The following PDE1C variants were observed in gnomAD, a reference collection of about 807,000 sequenced individuals.
PDE1C encodes the protein phosphodiesterase 1C.
PDE1C carries 62 observed loss-of-function variants against 93.1 expected under a neutral mutation model. The observed-to-expected ratio is 0.67, with a 90% confidence interval of 0.54 to 0.82. The LOEUF is 0.82. Among genes scored for constraint, PDE1C ranks in the 40% least tolerant of loss-of-function variants. PDE1C has a pLI of 0.00. For synonymous variants in PDE1C, 325 were observed against 310.1 expected (o/e 1.05, Z -0.50); for missense variants, 742 against 884.6 (o/e 0.84, Z 2.04).
chr7:32,031,550 G>A (rs930562766), intron 2 of PDE1C, among the ~76,000 whole-genome samples: 1 of 152,040 alleles, frequency 6.6e-6, no homozygotes, highest in Non-Finnish European at 1.5e-5. Context: ...TTCCTTTTTT[G>A]ATCATATGAG....
At chr7:32,304,445 C>T (rs571190388) in intron 1 of PDE1C, among the ~76,000 whole-genome samples, 1 of 152,172 alleles carries the variant, frequency 6.6e-6, no homozygotes, top group Non-Finnish European at 1.5e-5. Flanking sequence ...GTAGGACAGC[C>T]AGCCCCATTA....
At chr7:32,262,596 T>G (rs1810290662) in intron 1 of PDE1C, among the ~76,000 whole-genome samples, 1 of 152,116 alleles carries the variant, frequency 6.6e-6, no homozygotes, top group Admixed American at 6.5e-5. Flanking sequence ...CCACCAACAC[T>G]ACTGCAGGGA....
At chr7:31,952,196 A>C (rs1807461924) in intron 2 of PDE1C, among the ~76,000 whole-genome samples, 1 of 152,146 alleles carries the variant, frequency 6.6e-6, no homozygotes, top group Admixed American at 6.6e-5. Flanking sequence ...CACTTGCCTA[A>C]GTATAAATTC....
chr7:32,420,434 A>G (rs1316784253), intron 1 of PDE1C, among the ~76,000 whole-genome samples: 3 of 144,524 alleles, frequency 2.1e-5, no homozygotes, highest in Non-Finnish European at 4.5e-5. Flanking sequence ...CACACATGTA[A>G]TCCCAACTAC....
At chr7:32,131,605 A>G (rs1799924140) in intron 3 of PDE1C, among the ~76,000 whole-genome samples, 1 of 152,112 alleles carries the variant, frequency 6.6e-6, no homozygotes, top group Non-Finnish European at 1.5e-5. Flanking sequence ...AGGATAATTT[A>G]CTTATATTGA....
intron 16 of PDE1C, among the ~76,000 whole-genome samples, chr7:31,776,072 A>G (rs905672023): frequency 1.3e-5 from 2 of 152,220 alleles, no homozygotes; most frequent in Admixed American, 1.3e-4. Flanking sequence ...GTGGAGGCCC[A>G]GCACTCATGT....
intron 1 of PDE1C, among the ~76,000 whole-genome samples, chr7:32,401,309 C>T (rs553990384): frequency 2.6e-5 from 4 of 152,012 alleles, no homozygotes; most frequent in Non-Finnish European, 4.4e-5. Context: ...GAGGCCGAGG[C>T]GGGCAGATCA....
chr7:32,403,720 G>A (rs189262606), intron 1 of PDE1C, among the ~76,000 whole-genome samples: 4 of 152,188 alleles, frequency 2.6e-5, no homozygotes, highest in East Asian at 3.9e-4. Flanking sequence ...ATACCCCCAC[G>A]CTTTGGCACG....
At chr7:32,234,741 G>T (rs1285320883) in intron 1 of PDE1C, among the ~76,000 whole-genome samples, 1 of 151,994 alleles carries the variant, frequency 6.6e-6, no homozygotes, top group Non-Finnish European at 1.5e-5. Flanking sequence ...GGAAACAGAA[G>T]AGAAGGGAGA....
intron 3 of PDE1C, among the ~76,000 whole-genome samples, chr7:32,163,687 A>G (rs1802052770): frequency 6.6e-6 from 1 of 152,124 alleles, no homozygotes; most frequent in Non-Finnish European, 1.5e-5. Context: ...GAGTCGCATG[A>G]TTCAAAGCAA....
At chr7:31,706,148 G>A in the PDE1C span, among the ~76,000 whole-genome samples, 3 of 151,486 alleles carry the variant, frequency 2.0e-5, no homozygotes, top group African/African-American at 4.9e-5. Context: ...AGGATTACAG[G>A]TGCCCGCCAC....
chr7:32,279,484 AT>A (rs1811487603), intron 1 of PDE1C, among the ~76,000 whole-genome samples: 1 of 152,206 alleles, frequency 6.6e-6, no homozygotes, highest in East Asian at 1.9e-4. Flanking sequence ...TCTAACCACA[AT>A]GAAAGGATCA....
rs1321416139 is a variant in PDE1C at position 31,879,213 on chromosome 7, T to C, written c.243-35A>G. 7 of 1,584,378 alleles carry C rather than the reference T, an allele frequency of 4.4e-6. No individual in the cohort carries two copies. In the Middle Eastern group the frequency reaches 6.7e-4, roughly 152 times the overall value. On this transcript the variant is annotated intron_variant, in intron 3 of 17. Coordinates refer to ENST00000396191, the MANE Select transcript of PDE1C (RefSeq NM_001191057.4). ...AGAAACAGAATCAGCACACTGAGATTAAATCTGAAGTTGGAGCTCTCTGTT... is the reference window on the plus strand; with the variant it reads ...AGAAACAGAATCAGCACACTGAGATCAAATCTGAAGTTGGAGCTCTCTGTT...
intron 16 of PDE1C, among the ~76,000 whole-genome samples, chr7:31,777,920 C>T (rs996913301): frequency 3.3e-5 from 5 of 152,114 alleles, no homozygotes; most frequent in African/African-American, 4.8e-5. Context: ...CCAACCCTGG[C>T]TGTAGCTGTG....
chr7:31,704,796 G>A, the PDE1C span, among the ~76,000 whole-genome samples: 1 of 152,208 alleles, frequency 6.6e-6, no homozygotes, highest in Non-Finnish European at 1.5e-5. Context: ...CATAGGCAAA[G>A]CTTTCTGGCT....
rs958916167 is a variant in PDE1C at position 31,856,824 on chromosome 7, G to A, written c.751-6083C>T. Reference sequence around the variant, plus strand: ...TCGGGCTGCCATAACAAAATAACACGGGCTGCGTGGCTTAAACAACGGAAA... The same window carrying A: ...TCGGGCTGCCATAACAAAATAACACAGGCTGCGTGGCTTAAACAACGGAAA... On this transcript the variant is annotated intron_variant, in intron 7 of 17. Transcript: ENST00000396191. 5.3e-5 allele frequency among the ~76,000 whole-genome samples: 8 copies of A among 151,956 alleles called. No homozygotes were observed. The East Asian group carries it at 9.7e-4, about 18-fold the overall frequency.
rs983865202 is a variant in PDE1C, at chr7:31,761,121, A to G, written c.1961-7568T>C. 1.1e-4 allele frequency among the ~76,000 whole-genome samples: 5 copies of G among 44,866 alleles called. No homozygotes were observed. In the Admixed American group the frequency reaches 1.2e-3, roughly 10 times the overall value. The allele number at this position is 44,866 out of a possible 152,430, so 29.4% of individuals were successfully genotyped here. On this transcript the variant is annotated intron_variant, in intron 17 of 17. Coordinates refer to ENST00000396191, the MANE Select transcript of PDE1C (RefSeq NM_001191057.4). ...TATTTTGGCTAAAGTAACTGGCCAAAATCACACAGTTAGCACAAAGGAGTC... is the reference window on the plus strand; with the variant it reads ...TATTTTGGCTAAAGTAACTGGCCAAGATCACACAGTTAGCACAAAGGAGTC...
intron 1 of PDE1C, among the ~76,000 whole-genome samples, chr7:32,420,180 C>T (rs185624180): frequency 0.036 from 829 of 22,920 alleles, 14 homozygotes; most frequent in Admixed American, 0.066. Flanking sequence ...TATATATATA[C>T]ACATATATAT....
At chr7:32,206,318 A>G (rs1190557618) in intron 2 of PDE1C, among the ~76,000 whole-genome samples, 1 of 152,168 alleles carries the variant, frequency 6.6e-6, no homozygotes, top group Non-Finnish European at 1.5e-5. Flanking sequence ...TGCAGTCTTC[A>G]ATCAGCGTTT....
Sources: allele counts gnomAD v4.1 joint callset (sites outside exome capture counted in the v4.1 genomes callset), GRCh38; gene constraint gnomAD v4.1.1; transcripts MANE v1.5; gene names NCBI Gene and HGNC (gene_info 2026-07-23, HGNC 2026-07-21).